NPAS3: variants seen among roughly 807,000 people sequenced by gnomAD.
The protein encoded by NPAS3 is neuronal PAS domain-containing protein 3.
A neutral mutation model predicts 73.1 loss-of-function variants in NPAS3; 14 were observed. The ratio of observed to expected loss-of-function variants is 0.19; its 90% confidence interval spans 0.13 to 0.30. NPAS3 has a LOEUF of 0.30. Among genes scored for constraint, NPAS3 ranks in the 10% least tolerant of loss-of-function variants. NPAS3 has a pLI of 1.00. For synonymous variants in NPAS3, 620 were observed against 541.5 expected, an observed-to-expected ratio of 1.14 and a Z score of -2.01; for missense variants, 1,096 against 1,250.0, an observed-to-expected ratio of 0.88 and a Z score of 1.86.
chr14:33,746,206 TGAGATGGAG>T (rs2061790782), intron 7 of NPAS3, among the ~76,000 whole-genome samples: 6 of 151,826 alleles, frequency 4.0e-5, no homozygotes, highest in African/African-American at 1.4e-4. Flanking sequence ...TTTATTTTTT[TGAGATGGAG>T]TCTTTCTCTG....
At chr14:33,557,206 A>G (rs1195719076) in intron 4 of NPAS3, among the ~76,000 whole-genome samples, 1 of 152,136 alleles carries the variant, frequency 6.6e-6, no homozygotes, top group Non-Finnish European at 1.5e-5. Flanking sequence ...GAAAGGCTCT[A>G]TCAGAAAAGA....
At chr14:33,545,817 G>T (rs1001518270) in intron 4 of NPAS3, among the ~76,000 whole-genome samples, 3 of 152,156 alleles carry the variant, frequency 2.0e-5, no homozygotes, top group Admixed American at 2.0e-4. Context: ...GTCAAGAGAG[G>T]TCACTGTATA....
chr14:33,287,136 C>T (rs553605326), intron 3 of NPAS3, among the ~76,000 whole-genome samples: 8 of 151,994 alleles, frequency 5.3e-5, no homozygotes, highest in Non-Finnish European at 8.8e-5. Context: ...TGGAGTTATT[C>T]GTGGGAGAAA....
chr14:33,177,005 T>C (rs913475353), intron 2 of NPAS3, among the ~76,000 whole-genome samples: 4 of 151,514 alleles, frequency 2.6e-5, no homozygotes, highest in African/African-American at 9.7e-5. Context: ...TTACTGGCTA[T>C]TTGTATATCT....
rs552373639 is a variant in NPAS3, at chr14:33,569,977, C to T, written c.558+9767C>T. ...CTTTAAGAAATGTTAAGGCTAAAAA[C>T]CTGCCAGATGACTAAGTAAGAGATT... is the stretch of plus-strand genomic sequence containing the variant. On this transcript the variant is annotated intron_variant, in intron 5 of 11. Coordinates refer to ENST00000356141, the Ensembl canonical transcript of NPAS3. 2.6e-5 allele frequency among the ~76,000 whole-genome samples: 4 copies of T among 152,218 alleles called. No individual in the cohort carries two copies. In the East Asian group the frequency reaches 5.8e-4, roughly 22 times the overall value.
At chr14:33,635,823 C>G (rs1425380550) in intron 5 of NPAS3, among the ~76,000 whole-genome samples, 1 of 152,232 alleles carries the variant, frequency 6.6e-6, no homozygotes, top group East Asian at 1.9e-4. Context: ...ATCCTCTTCT[C>G]TGTGAAATGT....
At chr14:33,158,668 A>G (rs1222575460) in intron 2 of NPAS3, among the ~76,000 whole-genome samples, 2 of 152,186 alleles carry the variant, frequency 1.3e-5, no homozygotes, top group Non-Finnish European at 2.9e-5. Context: ...ACAGTACATA[A>G]CAAAAGTCAG....
chr14:33,630,292 G>A (rs577344073), intron 5 of NPAS3, among the ~76,000 whole-genome samples: 1 of 152,182 alleles, frequency 6.6e-6, no homozygotes, highest in Non-Finnish European at 1.5e-5. Flanking sequence ...CCTTGATGAT[G>A]AGTAAAGGAA....
rs1291100705 is a variant in NPAS3 at position 33,263,635 on chromosome 14, AGTT to A, written c.385+48210_385+48212del. Among the ~76,000 whole-genome samples, 4 of 152,232 alleles carry A rather than the reference AGTT, an allele frequency of 2.6e-5. No individual in the cohort carries two copies. In the East Asian group the frequency reaches 7.7e-4, roughly 29 times the overall value. ...TTTGGTTCCATATGAACTTTAAAGT[AGTT>A]TTTTTCCAATTCTGTGAAGAAAGTC... On this transcript the variant is annotated intron_variant, in intron 3 of 11. Coordinates refer to ENST00000356141, the Ensembl canonical transcript of NPAS3.
In NPAS3 at chr14:33,748,174, G is replaced by A. The variant is rs575884283; in HGVS notation, c.852+12842G>A. Among the ~76,000 whole-genome samples the A allele has an allele frequency of 3.3e-5, 5 of 152,214 alleles. No individual in the cohort carries two copies. In the South Asian group the frequency reaches 1.0e-3, roughly 32 times the overall value. On this transcript the variant is annotated intron_variant, in intron 7 of 11. Transcript: ENST00000356141. Reference sequence around the variant, plus strand: ...AAGCCAGAACATATTTCTTCCTTGGGTCAGTGTTCTACATCTTCCTTGAGT... The same window carrying A: ...AAGCCAGAACATATTTCTTCCTTGGATCAGTGTTCTACATCTTCCTTGAGT...
intron 2 of NPAS3, among the ~76,000 whole-genome samples, chr14:33,208,535 T>C (rs1338347058): frequency 6.6e-6 from 1 of 152,206 alleles, no homozygotes; most frequent in Non-Finnish European, 1.5e-5. Flanking sequence ...CATCAGAGTA[T>C]ATCTTAGTTT....
intron 4 of NPAS3, among the ~76,000 whole-genome samples, chr14:33,537,140 T>C (rs2054293155): frequency 6.6e-6 from 1 of 152,160 alleles, no homozygotes. Context: ...ATGTAGACAA[T>C]GTTCCTGGAA....
At chr14:33,573,088 A>G (rs2056293300) in intron 5 of NPAS3, among the ~76,000 whole-genome samples, 2 of 152,076 alleles carry the variant, frequency 1.3e-5, no homozygotes, top group Admixed American at 1.3e-4. Context: ...TTGTGAAAAC[A>G]TCAGTAAAGT....
intron 4 of NPAS3, among the ~76,000 whole-genome samples, chr14:33,450,718 G>A (rs1172749917): frequency 6.6e-6 from 1 of 152,056 alleles, no homozygotes; most frequent in Non-Finnish European, 1.5e-5. Context: ...TGTGTGAATT[G>A]GAGAGAGAAG....
rs114657075 is a variant in NPAS3, at chr14:33,565,368, A to G, written c.558+5158A>G. Among the ~76,000 whole-genome samples the G allele has an allele frequency of 2.9e-3, 437 of 152,364 alleles. 4 individuals are homozygous for G. The highest frequency in any genetic ancestry group is 9.7e-3 in the African/African-American group (404 of 41,594). Reference sequence around the variant, plus strand: ...TATTTGTGAAGCTATTCTGAAAGGGAACCATGGTGCCAAATGTGGTTTATT... The same window carrying G: ...TATTTGTGAAGCTATTCTGAAAGGGGACCATGGTGCCAAATGTGGTTTATT... On this transcript the variant is annotated intron_variant, in intron 5 of 11. Coordinates refer to ENST00000356141, the Ensembl canonical transcript of NPAS3.
intron 4 of NPAS3, among the ~76,000 whole-genome samples, chr14:33,416,298 A>AG (rs2048144477): frequency 6.6e-6 from 1 of 152,066 alleles, no homozygotes. Context: ...AGATCTCTAA[A>AG]GGGAAAAAAA....
chr14:33,650,419 C>T (rs1256257724), intron 5 of NPAS3, among the ~76,000 whole-genome samples: 1 of 152,040 alleles, frequency 6.6e-6, no homozygotes, highest in Non-Finnish European at 1.5e-5. Context: ...CATCCCTCAC[C>T]CCAATTGAAG....
At chr14:33,420,626 T>C (rs534849439) in intron 4 of NPAS3, among the ~76,000 whole-genome samples, 10 of 151,856 alleles carry the variant, frequency 6.6e-5, no homozygotes, top group Non-Finnish European at 1.3e-4. Context: ...ATGGATACTG[T>C]AAAAAATTCA....
chr14:32,966,990 C>A (rs968241934), intron 1 of NPAS3, among the ~76,000 whole-genome samples: 1 of 152,038 alleles, frequency 6.6e-6, no homozygotes, highest in Non-Finnish European at 1.5e-5. Flanking sequence ...GAAGAGACAA[C>A]CTACAAAATG....
Sources: allele counts gnomAD v4.1 joint callset (sites outside exome capture counted in the v4.1 genomes callset), GRCh38; gene constraint gnomAD v4.1.1; transcripts MANE v1.5; gene names NCBI Gene and HGNC (gene_info 2026-07-23, HGNC 2026-07-21).